C5: variants seen among roughly 807,000 people sequenced by gnomAD.
C5 encodes C3 and PZP-like alpha-2-macroglobulin domain-containing protein 4.
Under a neutral mutation model 218.8 loss-of-function variants are expected in C5, and 140 were observed. The observed-to-expected ratio is 0.64, with a 90% CI of 0.56 to 0.74. The LOEUF (loss-of-function observed/expected upper bound fraction) is 0.74, where lower values mean the gene tolerates loss of function less well. C5 is among the 30% of genes least tolerant of loss of function. C5 has a pLI of 0.00. For synonymous variants in C5, 614 were observed against 682.3 expected, an observed-to-expected ratio of 0.90 and a Z score of 1.56; for missense variants, 1,700 against 1,969.6, an observed-to-expected ratio of 0.86 and a Z score of 2.59.
chr9:120,968,830 A>G (rs1485732039), intron 33 of C5, among the ~76,000 whole-genome samples: 1 of 152,244 alleles, frequency 6.6e-6, no homozygotes, highest in Admixed American at 6.5e-5. Context: ...AATTAATATT[A>G]CACTGTTTGA....
intron 37 of C5, among the ~76,000 whole-genome samples, chr9:120,960,849 TG>T (rs1440366484): frequency 6.6e-6 from 1 of 152,122 alleles, no homozygotes; most frequent in Non-Finnish European, 1.5e-5. Flanking sequence ...GTGGTTCCCT[TG>T]ATGAAAGGGG....
upstream of C5, among the ~76,000 whole-genome samples, chr9:121,050,810 G>T (rs2047666195): frequency 6.6e-6 from 1 of 152,098 alleles, no homozygotes; most frequent in Non-Finnish European, 1.5e-5. Context: ...TTGTTCCTTG[G>T]TCTGTCTCAG....
the C5 span, among the ~76,000 whole-genome samples, chr9:121,059,836 C>T: frequency 2.6e-5 from 4 of 152,238 alleles, no homozygotes; most frequent in East Asian, 5.8e-4. This position sits in a 1 kb window ranked among gnomAD's most constrained non-coding sequence, Gnocchi z 4.1. Context: ...CACGGCCTCC[C>T]GCCCAGAGCC....
At chr9:120,966,412 T>C (rs2046868353) in intron 33 of C5, among the ~76,000 whole-genome samples, 1 of 152,210 alleles carries the variant, frequency 6.6e-6, no homozygotes, top group Admixed American at 6.5e-5. Context: ...ATCTTTGCTT[T>C]ATAGAAGAGG....
the C5 span, among the ~76,000 whole-genome samples, chr9:121,063,010 T>G: frequency 6.6e-6 from 1 of 152,106 alleles, no homozygotes; most frequent in Non-Finnish European, 1.5e-5. Context: ...TGGATTAATG[T>G]GTCTCATCAC....
intron 36 of C5, 91 bp from the exon 37 acceptor site, chr9:120,961,656 G>T: frequency 1.2e-6 from 1 of 831,276 alleles, no homozygotes; most frequent in Non-Finnish European, 2.1e-6. Context: ...GAGCCTCAGA[G>T]ATTGCTTATT....
chr9:121,026,326 C>A (rs1391266444), intron 8 of C5, among the ~76,000 whole-genome samples: 5 of 152,244 alleles, frequency 3.3e-5, no homozygotes, highest in African/African-American at 9.6e-5. Flanking sequence ...AATCTCAGTT[C>A]CAGCAATCAT....
the C5 span, among the ~76,000 whole-genome samples, chr9:121,073,909 G>A: frequency 1.3e-5 from 2 of 152,316 alleles, no homozygotes; most frequent in East Asian, 3.9e-4. Context: ...CACAGAGAGA[G>A]AGGGAGTTTC....
At chr9:121,055,436 C>T in the C5 span, among the ~76,000 whole-genome samples, 1 of 152,088 alleles carries the variant, frequency 6.6e-6, no homozygotes, top group African/African-American at 2.4e-5. Flanking sequence ...TATGTCACTC[C>T]TTCCCAAACT....
chr9:121,061,061 G>A, the C5 span, among the ~76,000 whole-genome samples: 3 of 152,176 alleles, frequency 2.0e-5, no homozygotes, highest in East Asian at 1.9e-4. Context: ...GGTGGTGGGC[G>A]CCTGTAATCC....
chr9:120,961,606 G>A (rs1278242554), intron 36 of C5, 41 bp from the exon 37 acceptor site: 2 of 1,234,012 alleles, frequency 1.6e-6, no homozygotes, highest in South Asian at 1.2e-5. Flanking sequence ...TGGTTTGATT[G>A]AAGAACAACA....
chr9:121,002,284 A>ATG (rs1301302145), intron 20 of C5, among the ~76,000 whole-genome samples: 5 of 118,650 alleles, frequency 4.2e-5, no homozygotes, highest in Admixed American at 1.9e-4. Flanking sequence ...ATATATACGT[A>ATG]TATATGTATA....
chr9:120,995,769 G>C (rs2047111424), intron 22 of C5, among the ~76,000 whole-genome samples: 3 of 150,890 alleles, frequency 2.0e-5, no homozygotes, highest in Admixed American at 2.0e-4. Context: ...TCAGATTATA[G>C]TAGTTGTACT....
chr9:120,971,844 T>C, intron 31 of C5, 86 bp downstream of exon 31: 1 of 1,009,428 alleles, frequency 9.9e-7, no homozygotes. Context: ...CAGATTTCTG[T>C]GACTTTGTGG....
the C5 span, among the ~76,000 whole-genome samples, chr9:121,073,059 CCT>C: frequency 2.0e-5 from 3 of 152,158 alleles, no homozygotes; most frequent in South Asian, 2.1e-4. Context: ...CAGCTTATTC[CCT>C]GTTGGACGTC....
chr9:120,960,395 C>T, intron 37 of C5, 58 bp from the exon 38 acceptor site: 1 of 1,167,014 alleles, frequency 8.6e-7, no homozygotes, highest in South Asian at 1.2e-5. Context: ...GACACTCTTT[C>T]CAGGAGTAAA....
rs1392486122 is a variant in C5, at chr9:120,972,007, G to C, written c.4018-15C>G. 6.3e-7 allele frequency: 1 copy of C among 1,594,634 alleles called. No individual in the cohort carries two copies. The highest frequency in any genetic ancestry group is 1.6e-5 in the African/African-American group (1 of 64,158). Reference sequence around the variant, plus strand: ...TTGAGAAGCACCTGGAAAGATAATAGAGAAACAAACCATGCTTTCTTTCAT... The same window carrying C: ...TTGAGAAGCACCTGGAAAGATAATACAGAAACAAACCATGCTTTCTTTCAT... On this transcript the variant is annotated splice_polypyrimidine_tract_variant and intron_variant, in intron 30 of 40. Transcript: ENST00000223642.
chr9:121,026,055 C>T (rs989121521), intron 8 of C5, among the ~76,000 whole-genome samples: 204 of 152,124 alleles, frequency 1.3e-3, no homozygotes, highest in African/African-American at 4.7e-3. Flanking sequence ...ATAAACTTTG[C>T]CTTATTTTTT....
In C5 at chr9:120,996,279, T is replaced by C. The variant is rs1343553304; in HGVS notation, c.2812A>G (p.Ser938Gly). 6.2e-7 allele frequency: 1 copy of C among 1,612,700 alleles called. No individual in the cohort carries two copies. Among genetic ancestry groups the C allele is most frequent in the East Asian group, 2.2e-5 (1 of 44,828 alleles). The change falls in exon 22 of 41, where the codon AGC becomes GGC. Residue 938 changes from serine (S) to glycine (G), a missense_variant. Coordinates refer to ENST00000223642, the MANE Select transcript of C5 (RefSeq NM_001735.3). ...RVVPEGVKRE[S>G]YSGVTLDPRG... ...GGATCCAAAGTAACACCAGAATAGC[T>C]TTCCCTTTTGACACCTTCTGGCTAA... is the stretch of plus-strand genomic sequence containing the variant.
Sources: allele counts gnomAD v4.1 joint callset (sites outside exome capture counted in the v4.1 genomes callset), GRCh38; gene constraint gnomAD v4.1.1; non-coding constraint Gnocchi (gnomAD v3.1); transcripts MANE v1.5; gene names NCBI Gene and HGNC (gene_info 2026-07-23, HGNC 2026-07-21).